TMEM135: variants seen among roughly 807,000 people sequenced by gnomAD.
The protein encoded by TMEM135 is transmembrane protein 135.
Under a neutral mutation model 60.3 loss-of-function variants are expected in TMEM135, and 30 were observed. That is an observed-to-expected ratio of 0.50 (90% confidence interval 0.37 to 0.68). The LOEUF is 0.68. Ranked by LOEUF, TMEM135 falls within the 30% of genes least tolerant of loss-of-function variation. The pLI, the probability that TMEM135 is intolerant of heterozygous loss-of-function variation, is 0.00. For missense variants in TMEM135, 468 were observed against 548.8 expected (o/e 0.85, Z 1.47); for synonymous variants, 190 against 186.7 (o/e 1.02, Z -0.14).
At chr11:87,268,447 A>G (rs1591155147) in intron 6 of TMEM135, among the ~76,000 whole-genome samples, 1 of 151,944 alleles carries the variant, frequency 6.6e-6, no homozygotes, top group Non-Finnish European at 1.5e-5. Context: ...TCTGAATATG[A>G]ATATTTACAT....
At chr11:87,264,909 TTGAAA>T (rs1470352179) in intron 6 of TMEM135, among the ~76,000 whole-genome samples, 3 of 151,924 alleles carry the variant, frequency 2.0e-5, no homozygotes, top group Admixed American at 6.6e-5. Flanking sequence ...TGTGAACTAC[TTGAAA>T]TGTCATGAGA....
At chr11:87,200,106 AATT>A (rs1384945194) in intron 5 of TMEM135, among the ~76,000 whole-genome samples, 2 of 152,202 alleles carry the variant, frequency 1.3e-5, no homozygotes, top group African/African-American at 4.8e-5. Context: ...TTGAAATTAT[AATT>A]ATTAGTAATT....
Position 87,323,691 on chromosome 11 carries a change from G to C in TMEM135, c.*2358G>C, listed in dbSNP as rs1490973822. 1 of 452,854 alleles carries C rather than the reference G, an allele frequency of 2.2e-6. No individual in the cohort carries two copies. The highest frequency in any genetic ancestry group is 1.6e-5 in the South Asian group (1 of 63,904). The allele number at this position is 452,854 out of a possible 1,614,324, so 28.1% of individuals were successfully genotyped here. On this transcript the variant is annotated 3_prime_UTR_variant, in exon 15 of 15. Coordinates refer to ENST00000305494, the MANE Select transcript of TMEM135 (RefSeq NM_022918.4). ...GCAGTGGTATTATGGTCATTTCGTTGCTATTTTCTGTTTTAATAAAATCCT... is the reference window on the plus strand; with the variant it reads ...GCAGTGGTATTATGGTCATTTCGTTCCTATTTTCTGTTTTAATAAAATCCT...
intron 2 of TMEM135, among the ~76,000 whole-genome samples, chr11:87,070,870 G>A (rs1319681547): frequency 6.6e-6 from 1 of 152,200 alleles, no homozygotes; most frequent in Admixed American, 6.5e-5. Flanking sequence ...TTTATTGAAT[G>A]TCTACCATGT....
At chr11:87,210,277 A>G (rs1940333401) in intron 5 of TMEM135, among the ~76,000 whole-genome samples, 1 of 152,182 alleles carries the variant, frequency 6.6e-6, no homozygotes, top group Admixed American at 6.6e-5. Context: ...AGCTAGATTA[A>G]TAAAGAAACA....
intron 6 of TMEM135, among the ~76,000 whole-genome samples, chr11:87,241,002 G>T (rs1207187995): frequency 6.6e-6 from 1 of 151,638 alleles, no homozygotes; most frequent in African/African-American, 2.4e-5. Context: ...AGAAATCAGT[G>T]TAAGTCAGAG....
intron 3 of TMEM135, among the ~76,000 whole-genome samples, chr11:87,075,579 T>G (rs184386445): frequency 3.5e-3 from 529 of 152,352 alleles, no homozygotes; most frequent in Non-Finnish European, 5.8e-3. Flanking sequence ...TGTGAACCAC[T>G]GCACTTGGCC....
intron 6 of TMEM135, among the ~76,000 whole-genome samples, chr11:87,256,392 C>T (rs901886621): frequency 2.2e-4 from 33 of 152,026 alleles, no homozygotes; most frequent in Admixed American, 1.8e-3. Flanking sequence ...AAGTTGGAAG[C>T]GGTTCGCTAT....
chr11:87,221,669 G>A (rs1214907129), intron 5 of TMEM135, among the ~76,000 whole-genome samples: 1 of 152,082 alleles, frequency 6.6e-6, no homozygotes, highest in Non-Finnish European at 1.5e-5. Flanking sequence ...GTAACGTCTG[G>A]TCTATAAATT....
At chr11:87,260,009 T>C (rs1342061262) in intron 6 of TMEM135, among the ~76,000 whole-genome samples, 1 of 152,234 alleles carries the variant, frequency 6.6e-6, no homozygotes, top group African/African-American at 2.4e-5. Context: ...CTTTGGGTTT[T>C]CAAGCTTTGT....
Position 87,324,804 on chromosome 11 carries a change from G to A in TMEM135, c.*3471G>A, listed in dbSNP as rs1590874097. ...TGTCCTTTGTTTCCCAAAGGCAAAA[G>A]TATACATTTCTTACTAAGATATCTT... On this transcript the variant is annotated 3_prime_UTR_variant, in exon 15 of 15. Coordinates refer to ENST00000305494, the MANE Select transcript of TMEM135 (RefSeq NM_022918.4). The A allele has an allele frequency of 2.2e-6, 1 of 453,880 alleles. No homozygotes were observed. The highest frequency in any genetic ancestry group is 7.0e-5 in the East Asian group (1 of 14,384). 28.1% of individuals were successfully genotyped at this position (453,880 alleles called of 1,614,324 possible). A position where few individuals can be genotyped will look rare whatever the true frequency, so the allele number is the denominator to read the frequency against.
intron 6 of TMEM135, among the ~76,000 whole-genome samples, chr11:87,242,746 A>T (rs1941168202): frequency 7.2e-6 from 1 of 139,248 alleles, no homozygotes; most frequent in East Asian, 2.0e-4. Flanking sequence ...TAGATTCTGG[A>T]TATTAGCCCT....
chr11:87,081,955 G>C (rs1469776772), intron 3 of TMEM135, among the ~76,000 whole-genome samples: 4 of 152,070 alleles, frequency 2.6e-5, no homozygotes, highest in African/African-American at 7.2e-5. Context: ...TGAACTCTTT[G>C]TGTATGTGTT....
At chr11:87,202,730 T>TAAAAAAAAAAAAA (rs201573717) in intron 5 of TMEM135, among the ~76,000 whole-genome samples, 1 of 134,412 alleles carries the variant, frequency 7.4e-6, no homozygotes. Flanking sequence ...TAAAAGACTT[T>TAAAAAAAAAAAAA]AAAAAAAAAA....
chr11:87,053,598 A>G (rs1949863074), intron 1 of TMEM135, among the ~76,000 whole-genome samples: 1 of 151,706 alleles, frequency 6.6e-6, no homozygotes, highest in East Asian at 1.9e-4. Context: ...AATTTCTTAC[A>G]TTACAGTTAC....
intron 2 of TMEM135, among the ~76,000 whole-genome samples, chr11:87,069,023 G>A (rs868486882): frequency 5.3e-5 from 8 of 150,204 alleles, no homozygotes; most frequent in African/African-American, 2.0e-4. Context: ...TTCTATGACG[G>A]CCGGGCGCGG....
At chr11:87,297,146 T>A (rs1227815323) in intron 7 of TMEM135, among the ~76,000 whole-genome samples, 1 of 152,054 alleles carries the variant, frequency 6.6e-6, no homozygotes, top group African/African-American at 2.4e-5. Flanking sequence ...AGTGGGAGGA[T>A]TAAAGAGAAG....
At chr11:87,111,384 A>G (rs1482661677) in intron 4 of TMEM135, among the ~76,000 whole-genome samples, 1 of 151,982 alleles carries the variant, frequency 6.6e-6, no homozygotes, top group Non-Finnish European at 1.5e-5. Flanking sequence ...GCTGTGGCTC[A>G]CGCCTGTAAT....
chr11:87,327,550 T>C lies in TMEM135; in HGVS notation c.*6217T>C, dbSNP rs940577487. ...TACATAGAGAGAGATATGAGAGGGATAGAGAGAGACACAGAGAGAGATATG... is the reference window on the plus strand; with the variant it reads ...TACATAGAGAGAGATATGAGAGGGACAGAGAGAGACACAGAGAGAGATATG... On this transcript the variant is annotated 3_prime_UTR_variant, in exon 15 of 15. Transcript: ENST00000305494. The C allele has an allele frequency of 2.2e-6, 1 of 451,886 alleles. No homozygotes were observed. The highest frequency in any genetic ancestry group is 2.0e-5 in the African/African-American group (1 of 49,708). The allele number at this position is 451,886 out of a possible 1,614,324, so 28.0% of individuals were successfully genotyped here.
Sources: gnomAD v4.1 joint callset for allele counts (sites outside exome capture counted in the v4.1 genomes callset) on GRCh38, gnomAD v4.1.1 for gene constraint, MANE v1.5 for transcripts, NCBI Gene and HGNC (gene_info 2026-07-23, HGNC 2026-07-21) for gene names.